EFR3B: variants seen among roughly 807,000 people sequenced by gnomAD.
EFR3B encodes the protein protein EFR3 homolog B.
Under a neutral mutation model 104.7 loss-of-function variants are expected in EFR3B, and 64 were observed. The ratio of observed to expected loss-of-function variants is 0.61; its 90% CI spans 0.50 to 0.75. EFR3B has a LOEUF of 0.75. EFR3B is among the 30% of genes least tolerant of loss of function. The probability of loss-of-function intolerance (pLI) is 0.00; values close to 1 mark genes in which losing one functional copy is unlikely to be tolerated. For synonymous variants in EFR3B, 385 were observed against 417.9 expected (o/e 0.92, Z 0.96); for missense variants, 750 against 1,078.5 (o/e 0.70, Z 4.27).
At chr2:25,050,502 A>G (rs1430600496) in intron 1 of EFR3B, among the ~76,000 whole-genome samples, 1 of 152,172 alleles carries the variant, frequency 6.6e-6, no homozygotes, top group Admixed American at 6.5e-5. Flanking sequence ...TTTCCATGGT[A>G]CATAAAATGG....
chr2:25,059,578 G>GA (rs1338435450), intron 1 of EFR3B, among the ~76,000 whole-genome samples: 4 of 114,748 alleles, frequency 3.5e-5, no homozygotes, highest in Non-Finnish European at 7.8e-5. Flanking sequence ...ACTGCGGGGG[G>GA]GGGGGGGGTG....
intron 4 of EFR3B, among the ~76,000 whole-genome samples, chr2:25,107,678 A>T (rs1230523388): frequency 6.6e-6 from 1 of 151,792 alleles, no homozygotes; most frequent in Non-Finnish European, 1.5e-5. Context: ...TTCCATATAG[A>T]TATTCATACA....
chr2:25,103,173 CA>C (rs1352457419), intron 3 of EFR3B, among the ~76,000 whole-genome samples: 1 of 152,226 alleles, frequency 6.6e-6, no homozygotes, highest in Non-Finnish European at 1.5e-5. Flanking sequence ...TATCTCAGCT[CA>C]TTAAGTTGAA....
intron 1 of EFR3B, chr2:25,058,283 A>G (rs1668078928): frequency 6.6e-6 from 1 of 152,206 alleles, no homozygotes; most frequent in South Asian, 2.1e-4. Flanking sequence ...GAGCCTTTGA[A>G]TAGCCACTGC....
In EFR3B at chr2:25,137,377, T is replaced by A; in HGVS notation, c.1597T>A (p.Cys533Ser). 1.9e-6 allele frequency: 3 copies of A among 1,552,110 alleles called. No individual in the cohort carries two copies. The highest frequency in any genetic ancestry group is 1.7e-6 in the Non-Finnish European group (2 of 1,147,116). The change falls in exon 15 of 23, where the codon TGC becomes AGC. Residue 533 changes from cysteine to serine, a missense_variant. Physicochemically the swap from Cys to Ser is moderately radical, Grantham distance 112 (BLOSUM62 -1). Coordinates refer to ENST00000403714, the MANE Select transcript of EFR3B (RefSeq NM_014971.2). The surrounding 1 kb of genome is among the most constrained non-coding windows in gnomAD (Gnocchi z 4.7). ...GCTCTACAGACACATCTACCTGAGC[T>A]GCAAGGAGGAAACAAACGTGCAGAA... ...QQLYRHIYLS[C>S]KEETNVQKHY... is the part of the protein sequence containing the mutation.
rs971733618 is a variant in EFR3B, at chr2:25,087,528, G to A, written c.8-3797G>A. The stretch of plus-strand genomic sequence containing the variant: ...GGAGTCTCGCTCTGTTGCTGAGGCT[G>A]TAGTGCAATGGCACAATCTCAGCTC... On this transcript the variant is annotated intron_variant, in intron 1 of 22. Coordinates refer to ENST00000403714, the MANE Select transcript of EFR3B (RefSeq NM_014971.2). 2.7e-5 allele frequency among the ~76,000 whole-genome samples: 4 copies of A among 148,592 alleles called. 1 individual carries two copies. The highest frequency in any genetic ancestry group is 1.0e-4 in the African/African-American group (4 of 39,632).
chr2:25,061,625 C>A (rs899672171), intron 1 of EFR3B, among the ~76,000 whole-genome samples: 3 of 151,812 alleles, frequency 2.0e-5, no homozygotes, highest in Admixed American at 1.3e-4. Flanking sequence ...TCCTGAGCAG[C>A]TGGGATTACA....
intron 3 of EFR3B, among the ~76,000 whole-genome samples, chr2:25,097,270 C>G (rs543351320): frequency 6.6e-6 from 1 of 152,280 alleles, no homozygotes; most frequent in East Asian, 1.9e-4. Context: ...GGGCTTTGTT[C>G]CTAAACATTT....
In EFR3B at chr2:25,156,938, C is replaced by T. The variant is rs919664104; in HGVS notation, c.*2598C>T. 1.2e-4 allele frequency: 18 copies of T among 152,264 alleles called. No individual in the cohort carries two copies. Among genetic ancestry groups the T allele is most frequent in the African/African-American group, 4.3e-4 (18 of 41,554 alleles). The allele number at this position is 152,264 out of a possible 1,614,324, so 9.4% of individuals were successfully genotyped here. On this transcript the variant is annotated 3_prime_UTR_variant, in exon 23 of 23. Transcript: ENST00000403714. ...GTGCCTACTTAACATTAGGGTTCCC[C>T]GTGGCAGCTTCATCCTGAGCACTGC...
intron 1 of EFR3B, among the ~76,000 whole-genome samples, chr2:25,059,995 G>T (rs970068782): frequency 6.6e-6 from 1 of 151,118 alleles, no homozygotes; most frequent in Middle Eastern, 3.4e-3. Flanking sequence ...TCAGGAATTC[G>T]AGACCAGCCC....
intron 16 of EFR3B, among the ~76,000 whole-genome samples, chr2:25,140,512 G>C (rs911271456): frequency 3.3e-5 from 5 of 152,068 alleles, no homozygotes; most frequent in Non-Finnish European, 7.4e-5. Flanking sequence ...TCCTCTGCCT[G>C]ACAATTGTGG....
At chr2:25,112,170 T>C (rs1473016150) in intron 4 of EFR3B, among the ~76,000 whole-genome samples, 2 of 152,350 alleles carry the variant, frequency 1.3e-5, no homozygotes, top group African/African-American at 2.4e-5. Flanking sequence ...TTCAGCACTT[T>C]GGTTCAAAAA....
chr2:25,149,375 C>T (rs914611266), intron 19 of EFR3B, among the ~76,000 whole-genome samples: 13 of 152,092 alleles, frequency 8.5e-5, no homozygotes, highest in African/African-American at 3.1e-4. Flanking sequence ...AATAAAATTG[C>T]AGTGTTTTCC....
chr2:25,107,605 C>T (rs1268147119), intron 4 of EFR3B, among the ~76,000 whole-genome samples: 21 of 152,042 alleles, frequency 1.4e-4, no homozygotes, highest in Admixed American at 1.4e-3. Flanking sequence ...TTCCTTCCCT[C>T]CTTTCCTTCT....
In EFR3B at chr2:25,156,300, T is replaced by G. The variant is rs992558008; in HGVS notation, c.*1960T>G. ...CAGCTTCTTTTTCTTGTTTTTTTTT[T>G]TTTTTTTTTTTTTTTGAGACACCGT... On this transcript the variant is annotated 3_prime_UTR_variant, in exon 23 of 23. Coordinates refer to ENST00000403714, the MANE Select transcript of EFR3B (RefSeq NM_014971.2). The G allele has an allele frequency of 6.6e-5, 9 of 137,316 alleles. No individual in the cohort carries two copies. 8.5% of individuals were successfully genotyped at this position (137,316 alleles called of 1,614,324 possible).
chr2:25,139,334 T>A, intron 16 of EFR3B, 144 bp downstream of exon 16: 1 of 1,084,794 alleles, frequency 9.2e-7, no homozygotes, highest in Non-Finnish European at 1.3e-6. Flanking sequence ...GGTGAGAAGT[T>A]ACTCGTGGCA....
chr2:25,139,759 A>G (rs1012326270), intron 16 of EFR3B, among the ~76,000 whole-genome samples: 6 of 152,194 alleles, frequency 3.9e-5, no homozygotes, highest in Non-Finnish European at 7.3e-5. Context: ...AAATACTTTA[A>G]ACAAATATTT....
At chr2:25,063,813 T>C (rs1179011306) in intron 1 of EFR3B, among the ~76,000 whole-genome samples, 2 of 152,198 alleles carry the variant, frequency 1.3e-5, no homozygotes, top group Non-Finnish European at 2.9e-5. Context: ...AGGGTCTGCA[T>C]TGGAGGAAGG....
chr2:25,066,763 G>A (rs1383657736), intron 1 of EFR3B, among the ~76,000 whole-genome samples: 1 of 152,114 alleles, frequency 6.6e-6, no homozygotes, highest in Non-Finnish European at 1.5e-5. Flanking sequence ...TGCATTTTGT[G>A]TTGCATGCTG....
Sources: gnomAD v4.1 joint callset for allele counts (sites outside exome capture counted in the v4.1 genomes callset) on GRCh38, gnomAD v4.1.1 for gene constraint, Gnocchi (gnomAD v3.1) non-coding constraint, MANE v1.5 for transcripts, NCBI Gene and HGNC (gene_info 2026-07-23, HGNC 2026-07-21) for gene names.